Variants in ZMYM1 observed in about 807,000 individuals in gnomAD.
ZMYM1 encodes zinc finger MYM-type containing 1.
A neutral mutation model predicts 60.0 loss-of-function variants in ZMYM1; 39 were observed. The observed-to-expected ratio is 0.65, with a 90% CI of 0.50 to 0.85. ZMYM1 has a LOEUF of 0.85. ZMYM1 is among the 40% of genes least tolerant of loss of function. The probability of loss-of-function intolerance (pLI) is 0.00; values close to 1 mark genes in which losing one functional copy is unlikely to be tolerated. For synonymous variants in ZMYM1, 413 were observed against 454.0 expected, an observed-to-expected ratio of 0.91 and a Z score of 1.15; for missense variants, 1,171 against 1,309.5, an observed-to-expected ratio of 0.89 and a Z score of 1.63.
chr1:35,083,380 TG>T (rs1642491363), intron 1 of ZMYM1, among the ~76,000 whole-genome samples: 1 of 152,132 alleles, frequency 6.6e-6, no homozygotes, highest in Non-Finnish European at 1.5e-5. Context: ...CTCGAACTCC[TG>T]GGCTAAGCAG....
Position 35,114,316 on chromosome 1 carries a change from C to T in ZMYM1, c.2486C>T (p.Thr829Ile). Reference sequence around the variant, plus strand: ...GACAGTCTTCCAGAGATTATTGAAACATTGGAAGTTATAGCAAGCCATTCT... The same window carrying T: ...GACAGTCTTCCAGAGATTATTGAAATATTGGAAGTTATAGCAAGCCATTCT... ...VIDSLPEIIE[T>I]LEVIASHSSN... Residue 829 changes from threonine to isoleucine, a missense_variant, in exon 10 of 10, where the codon ACA (threonine) becomes ATA (isoleucine). By Grantham distance (89) the Thr-to-Ile change is moderately conservative (BLOSUM62 -1). Coordinates refer to ENST00000359858, the MANE Select transcript of ZMYM1 (RefSeq NM_024772.5). 6.2e-7 allele frequency: 1 copy of T among 1,613,624 alleles called. No homozygotes were observed. The highest frequency in any genetic ancestry group is 8.5e-7 in the Non-Finnish European group (1 of 1,179,814).
intron 1 of ZMYM1, among the ~76,000 whole-genome samples, chr1:35,068,109 A>G (rs141949327): frequency 3.2e-4 from 49 of 151,902 alleles, no homozygotes; most frequent in Non-Finnish European, 5.9e-5. Flanking sequence ...GACTTACTGT[A>G]TAACTACTGT....
intron 4 of ZMYM1, among the ~76,000 whole-genome samples, chr1:35,098,383 T>C (rs1389164113): frequency 6.6e-6 from 1 of 152,212 alleles, no homozygotes; most frequent in Non-Finnish European, 1.5e-5. Flanking sequence ...TGTATAATTA[T>C]GGTTGTTAGC....
chr1:35,069,832 A>T (rs1642037501), intron 1 of ZMYM1, among the ~76,000 whole-genome samples: 1 of 152,124 alleles, frequency 6.6e-6, no homozygotes, highest in Non-Finnish European at 1.5e-5. Flanking sequence ...AGCATTGTTT[A>T]TTGAAGAAAC....
intron 4 of ZMYM1, among the ~76,000 whole-genome samples, chr1:35,101,093 G>A (rs931176800): frequency 2.7e-5 from 4 of 147,066 alleles, no homozygotes; most frequent in African/African-American, 7.5e-5. Context: ...GTGAGCCACC[G>A]TACCCAGCCA....
At chr1:35,092,578 C>T (rs1643086726) in intron 1 of ZMYM1, among the ~76,000 whole-genome samples, 1 of 150,110 alleles carries the variant, frequency 6.7e-6, no homozygotes, top group Non-Finnish European at 1.5e-5. Context: ...CCTTTTCTTT[C>T]TTTCTTTTCT....
intron 6 of ZMYM1, among the ~76,000 whole-genome samples, chr1:35,105,109 A>AT (rs1553143977): frequency 7.8e-6 from 1 of 128,452 alleles, no homozygotes; most frequent in African/African-American, 2.9e-5. Context: ...ATTTTTATGT[A>AT]TTTATTTTAT....
intron 6 of ZMYM1, among the ~76,000 whole-genome samples, chr1:35,106,837 T>G (rs906180404): frequency 1.3e-5 from 2 of 150,984 alleles, no homozygotes; most frequent in African/African-American, 2.5e-5. Context: ...CTGGGTTGTT[T>G]TTTGTTGTTG....
At chr1:35,069,583 G>C (rs1466768644) in intron 1 of ZMYM1, among the ~76,000 whole-genome samples, 1 of 152,036 alleles carries the variant, frequency 6.6e-6, no homozygotes, top group African/African-American at 2.4e-5. Flanking sequence ...AAACTTTTTA[G>C]TTTGATGTAG....
intron 1 of ZMYM1, among the ~76,000 whole-genome samples, chr1:35,061,415 C>G (rs893287291): frequency 6.6e-6 from 1 of 152,154 alleles, no homozygotes; most frequent in Non-Finnish European, 1.5e-5. Flanking sequence ...GTATTTCTAG[C>G]AGCCAAAACA....
At chr1:35,102,958 G>A (rs917041945) in intron 4 of ZMYM1, among the ~76,000 whole-genome samples, 1 of 152,148 alleles carries the variant, frequency 6.6e-6, no homozygotes, top group Admixed American at 6.6e-5. Context: ...ACTTCCTTAA[G>A]TGAAACTGAT....
Position 35,114,820 on chromosome 1 carries a change from T to A in ZMYM1, c.2990T>A (p.Leu997Gln). 1 of 1,605,356 alleles carries A rather than the reference T, an allele frequency of 6.2e-7. No homozygotes were observed. The highest frequency in any genetic ancestry group is 8.5e-7 in the Non-Finnish European group (1 of 1,176,888). Residue 997 changes from leucine (L) to glutamine (Q), a missense_variant, in exon 10 of 10, where the codon CTG (leucine) becomes CAG (glutamine). By Grantham distance (113) the Leu-to-Gln change is moderately radical. Coordinates refer to ENST00000359858, the MANE Select transcript of ZMYM1 (RefSeq NM_024772.5). ...TGCAAAATAAAGCAAATTTCAGAAC[T>A]GTTATTTAAATGGAATGAACCATTA... ...DYCKIKQISE[L>Q]LFKWNEPLNE...
intron 1 of ZMYM1, among the ~76,000 whole-genome samples, chr1:35,081,517 T>G (rs186250004): frequency 4.9e-4 from 74 of 152,288 alleles, no homozygotes; most frequent in African/African-American, 1.6e-3. Context: ...TAATATTGAC[T>G]CTTTCCATCA....
chr1:35,110,987 G>C (rs181766541), intron 7 of ZMYM1, among the ~76,000 whole-genome samples: 1 of 151,994 alleles, frequency 6.6e-6, no homozygotes, highest in Non-Finnish European at 1.5e-5. Flanking sequence ...AGATTATTTA[G>C]TAAATGAATA....
intron 1 of ZMYM1, among the ~76,000 whole-genome samples, chr1:35,063,334 G>T (rs191860370): frequency 6.6e-5 from 10 of 151,970 alleles, no homozygotes; most frequent in African/African-American, 2.2e-4. Flanking sequence ...AAGAGACAGG[G>T]TCTTGCTCTG....
chr1:35,093,100 C>G (rs2148513124), intron 1 of ZMYM1: 1 of 152,074 alleles, frequency 6.6e-6, no homozygotes. Flanking sequence ...AAAGAAATTT[C>G]AAGAATGGGG....
chr1:35,102,270 CTT>C (rs1557685506), intron 4 of ZMYM1, among the ~76,000 whole-genome samples: 1 of 151,994 alleles, frequency 6.6e-6, no homozygotes, highest in African/African-American at 2.4e-5. Context: ...TGGGATCAAA[CTT>C]TTTGTACCAT....
upstream of ZMYM1, among the ~76,000 whole-genome samples, chr1:35,075,910 C>T (rs568449697): frequency 9.2e-5 from 14 of 152,296 alleles, no homozygotes; most frequent in African/African-American, 3.1e-4. Context: ...GACTATTGTG[C>T]TCAACCAATC....
At chr1:35,117,058 C>G (rs1172161741), downstream of ZMYM1, among the ~76,000 whole-genome samples, 1 of 149,344 alleles carries the variant, frequency 6.7e-6, no homozygotes, top group African/African-American at 2.5e-5. Flanking sequence ...GTCTCGATCT[C>G]CTGACCTCGT....
Sources: gnomAD v4.1 joint callset for allele counts (sites outside exome capture counted in the v4.1 genomes callset) on GRCh38, gnomAD v4.1.1 for gene constraint, MANE v1.5 for transcripts, NCBI Gene and HGNC (gene_info 2026-07-23, HGNC 2026-07-21) for gene names.